Variants in BANF2 observed in about 807,000 individuals in gnomAD.
BANF2 encodes BANF family member 2.
In BANF2, 4 loss-of-function variants were observed where a neutral mutation model predicts 8.0. The ratio of observed to expected loss-of-function variants is 0.50; its 90% CI spans 0.25 to 1.14. The LOEUF (loss-of-function observed/expected upper bound fraction) is 1.14, where lower values mean the gene tolerates loss of function less well. Ranked by LOEUF, BANF2 falls within the 50% of genes most tolerant of loss-of-function variation. BANF2 has a pLI of 0.16. For synonymous variants in BANF2, 50 were observed against 40.6 expected (o/e 1.23, Z -0.88); for missense variants, 96 against 107.5 (o/e 0.89, Z 0.47).
At chr20:17,722,999 T>A (rs900103055) in intron 2 of BANF2, 121 bp downstream of exon 2, 1 of 686,852 alleles carries the variant, frequency 1.5e-6, no homozygotes, top group African/African-American at 2.0e-5. Context: ...TGGTGTTGGA[T>A]TGGGGAGCAA....
In BANF2 at chr20:17,725,126, A is replaced by G. The variant is rs1357529432; in HGVS notation, c.101A>G (p.Asn34Ser). 6 of 1,613,100 alleles carry G rather than the reference A, an allele frequency of 3.7e-6. No individual in the cohort carries two copies. In the African/African-American group the frequency reaches 5.3e-5, roughly 14 times the overall value. ...GGCATCAGCCATGAGCTCGCGATCAATTTGGTCACCAAAGGTATCAATAAG... is the reference window on the plus strand; with the variant it reads ...GGCATCAGCCATGAGCTCGCGATCAGTTTGGTCACCAAAGGTATCAATAAG... ...VDGISHELAINLVTKGINKAY... is the reference protein window; with the variant it reads ...VDGISHELAISLVTKGINKAY... Residue 34 changes from asparagine (N) to serine (S), a missense_variant, in exon 3 of 4, where the codon AAT becomes AGT. Physicochemically the swap from Asn to Ser is conservative, Grantham distance 46. Coordinates refer to ENST00000246090, the MANE Select transcript of BANF2 (RefSeq NM_178477.5).
intron 1 of BANF2, among the ~76,000 whole-genome samples, chr20:17,706,618 G>T (rs948765904): frequency 2.6e-5 from 4 of 152,320 alleles, no homozygotes; most frequent in Middle Eastern, 3.4e-3. Context: ...ATCCGTAGTA[G>T]GGGATCCTTA....
intron 1 of BANF2, among the ~76,000 whole-genome samples, chr20:17,717,439 G>A (rs1350449186): frequency 6.6e-6 from 1 of 152,062 alleles, no homozygotes; most frequent in Non-Finnish European, 1.5e-5. Context: ...TCAGTGCTTT[G>A]AATATACGAA....
intron 2 of BANF2, among the ~76,000 whole-genome samples, chr20:17,723,817 A>G (rs1324628625): frequency 1.3e-5 from 2 of 152,210 alleles, no homozygotes; most frequent in Non-Finnish European, 2.9e-5. Flanking sequence ...CAACATGGTG[A>G]AACCTCATCT....
chr20:17,694,819 A>G (rs1268106824), intron 1 of BANF2, among the ~76,000 whole-genome samples: 1 of 151,720 alleles, frequency 6.6e-6, no homozygotes, highest in Non-Finnish European at 1.5e-5. Flanking sequence ...ACAGGGTCTC[A>G]CTTGGTTGCC....
At chr20:17,734,567 A>G (rs2122662547) in intron 3 of BANF2, among the ~76,000 whole-genome samples, 1 of 152,316 alleles carries the variant, frequency 6.6e-6, no homozygotes, top group African/African-American at 2.4e-5. Flanking sequence ...GATGCCATTC[A>G]TCTGTCAGCC....
chr20:17,706,379 A>C (rs557224891), intron 1 of BANF2, among the ~76,000 whole-genome samples: 4 of 152,198 alleles, frequency 2.6e-5, no homozygotes, highest in Non-Finnish European at 5.9e-5. Context: ...TAGATCAAGA[A>C]GAAAAAAGTA....
chr20:17,735,059 A>G (rs1188944991), intron 3 of BANF2, among the ~76,000 whole-genome samples: 1 of 152,226 alleles, frequency 6.6e-6, no homozygotes, highest in Non-Finnish European at 1.5e-5. Context: ...GGCCTGGGCG[A>G]CAGAGCAAGA....
intron 3 of BANF2, among the ~76,000 whole-genome samples, chr20:17,731,934 C>T (rs1324969415): frequency 2.0e-5 from 3 of 151,536 alleles, no homozygotes. Flanking sequence ...AGCGTGGTGG[C>T]ACGCACCCGT....
intron 3 of BANF2, 53 bp downstream of exon 3, chr20:17,725,204 C>T (rs2296907): frequency 0.37 from 577,247 of 1,556,710 alleles, 110,074 homozygotes; most frequent in East Asian, 0.57. Context: ...TTTCTTCCCC[C>T]AGTCCTGCCA....
intron 1 of BANF2, among the ~76,000 whole-genome samples, chr20:17,702,958 C>T (rs568439608): frequency 3.3e-5 from 5 of 152,264 alleles, no homozygotes; most frequent in African/African-American, 7.2e-5. Context: ...TGGCTGGTGG[C>T]GGTGTGCTAG....
chr20:17,701,269 G>T (rs2037405224), intron 1 of BANF2, among the ~76,000 whole-genome samples: 1 of 152,196 alleles, frequency 6.6e-6, no homozygotes, highest in African/African-American at 2.4e-5. Flanking sequence ...GGTTTAATTT[G>T]GAGAGGAGAA....
chr20:17,720,165 A>G (rs1005562658), intron 1 of BANF2, among the ~76,000 whole-genome samples: 1 of 152,188 alleles, frequency 6.6e-6, no homozygotes, highest in Non-Finnish European at 1.5e-5. Context: ...CCGCTTGGAA[A>G]ACAGTATGGC....
chr20:17,734,229 T>C (rs2037942602), intron 3 of BANF2, among the ~76,000 whole-genome samples: 1 of 152,208 alleles, frequency 6.6e-6, no homozygotes, highest in African/African-American at 2.4e-5. Context: ...AGCTTGAGAA[T>C]GCCATAAAAA....
At chr20:17,705,792 A>G (rs1335759163) in intron 1 of BANF2, among the ~76,000 whole-genome samples, 1 of 152,222 alleles carries the variant, frequency 6.6e-6, no homozygotes, top group Admixed American at 6.5e-5. Flanking sequence ...CCCAGATGCT[A>G]TGTTGAGGCA....
chr20:17,732,587 C>A (rs1453462016), intron 3 of BANF2, among the ~76,000 whole-genome samples: 4 of 152,190 alleles, frequency 2.6e-5, no homozygotes, highest in Admixed American at 2.6e-4. Context: ...GAACTCCTGA[C>A]CTCAGATGAT....
intron 1 of BANF2, among the ~76,000 whole-genome samples, chr20:17,707,015 C>T (rs1163763782): frequency 1.3e-5 from 2 of 152,078 alleles, no homozygotes; most frequent in African/African-American, 2.4e-5. Context: ...GGGAAGAGAC[C>T]GGGGACCACA....
At chr20:17,735,005 T>C (rs1600232040) in intron 3 of BANF2, among the ~76,000 whole-genome samples, 2 of 152,228 alleles carry the variant, frequency 1.3e-5, no homozygotes, top group South Asian at 4.1e-4. Context: ...GAGAATCGCT[T>C]GAGGCGGAGG....
intron 3 of BANF2, among the ~76,000 whole-genome samples, chr20:17,729,147 A>G (rs1319186759): frequency 1.3e-5 from 2 of 152,198 alleles, no homozygotes; most frequent in Non-Finnish European, 2.9e-5. Context: ...GGAACTGTGG[A>G]AACAGAAAAT....
Sources: allele counts gnomAD v4.1 joint callset (sites outside exome capture counted in the v4.1 genomes callset), GRCh38; gene constraint gnomAD v4.1.1; transcripts MANE v1.5; gene names NCBI Gene and HGNC (gene_info 2026-07-23, HGNC 2026-07-21).